The following ITGAV variants were observed in gnomAD, a reference collection of about 807,000 sequenced individuals.
ITGAV encodes the protein integrin subunit alpha V, also known as integrin alpha-V.
In ITGAV, 76 loss-of-function variants were observed where a neutral mutation model predicts 143.8. The observed-to-expected ratio is 0.53, with a 90% CI of 0.44 to 0.64. ITGAV has a LOEUF of 0.64. ITGAV is among the 30% of genes least tolerant of loss of function. The pLI, the probability that ITGAV is intolerant of heterozygous loss-of-function variation, is 0.00. For missense variants in ITGAV, 1,193 were observed against 1,274.7 expected, an observed-to-expected ratio of 0.94 and a Z score of 0.98; for synonymous variants, 453 against 446.7, an observed-to-expected ratio of 1.01 and a Z score of -0.18.
intron 1 of ITGAV, among the ~76,000 whole-genome samples, chr2:186,599,356 C>T (rs1686834031): frequency 6.6e-6 from 1 of 152,182 alleles, no homozygotes; most frequent in East Asian, 1.9e-4. Flanking sequence ...CTTCCCCTGG[C>T]TGAATAACCC....
At chr2:186,597,475 C>T (rs1398823204) in intron 1 of ITGAV, among the ~76,000 whole-genome samples, 1 of 152,208 alleles carries the variant, frequency 6.6e-6, no homozygotes, top group Non-Finnish European at 1.5e-5. Context: ...TACTTTGTTA[C>T]TCCACTGTCC....
intron 26 of ITGAV, among the ~76,000 whole-genome samples, chr2:186,674,444 A>T (rs1465388008): frequency 1.3e-5 from 2 of 151,618 alleles, no homozygotes; most frequent in Non-Finnish European, 1.5e-5. Flanking sequence ...AGTGTTTTCT[A>T]TATGTAAGAT....
In ITGAV at chr2:186,638,269, T is replaced by C; in HGVS notation, c.803-8T>C. On this transcript the variant is annotated splice_polypyrimidine_tract_variant and splice_region_variant and intron_variant, in intron 8 of 29. Transcript: ENST00000261023. ...AAAATGAATAATTTGTTTGTTTGTT[T>C]GTTTCAGACTTTGTTTCAGGAGTTC... 6.2e-7 allele frequency: 1 copy of C among 1,613,626 alleles called. No individual in the cohort carries two copies. The highest frequency in any genetic ancestry group is 8.5e-7 in the Non-Finnish European group (1 of 1,179,598).
intron 15 of ITGAV, among the ~76,000 whole-genome samples, chr2:186,653,895 T>C (rs1688510663): frequency 6.6e-6 from 1 of 152,236 alleles, no homozygotes; most frequent in African/African-American, 2.4e-5. Flanking sequence ...TATTTATTTA[T>C]TAAAAAATTT....
rs1189272968 is a variant in ITGAV, at chr2:186,641,258, A to G, written c.957-128A>G. ...CAAATTTGAAATGAGTGCTCTGGTAATCATTTTGTGTTTCACTGTGGGTGT... is the reference window on the plus strand; with the variant it reads ...CAAATTTGAAATGAGTGCTCTGGTAGTCATTTTGTGTTTCACTGTGGGTGT... On this transcript the variant is annotated intron_variant, in intron 11 of 29. Transcript: ENST00000261023. The G allele has an allele frequency of 1.6e-5, 11 of 691,658 alleles. No homozygotes were observed. In the Admixed American group the frequency reaches 2.8e-4, roughly 18 times the overall value. 42.8% of individuals were successfully genotyped at this position (691,658 alleles called of 1,614,324 possible). A position where few individuals can be genotyped will look rare whatever the true frequency, so the allele number is the denominator to read the frequency against.
rs180923700 is a variant in ITGAV at position 186,611,664 on chromosome 2, A to C, written c.316+9513A>C. 1.7e-4 allele frequency among the ~76,000 whole-genome samples: 26 copies of C among 152,304 alleles called. 1 individual carries two copies. Among genetic ancestry groups the C allele is most frequent in the Admixed American group, 1.4e-3 (22 of 15,296 alleles). ...TTAGAAGATGCAGGCTCAGATTCAGACTCTGATACTTATTAACTGTGACGT... is the reference window on the plus strand; with the variant it reads ...TTAGAAGATGCAGGCTCAGATTCAGCCTCTGATACTTATTAACTGTGACGT... On this transcript the variant is annotated intron_variant, in intron 2 of 29. Transcript: ENST00000261023.
Position 186,665,162 on chromosome 2 carries a change from A to T in ITGAV, c.2110A>T (p.Asn704Tyr). 1 of 1,612,806 alleles carries T rather than the reference A, an allele frequency of 6.2e-7. No individual in the cohort carries two copies. Among genetic ancestry groups the T allele is most frequent in the Non-Finnish European group, 8.5e-7 (1 of 1,179,694 alleles). ...ARLSCAFKTENQTRQVVCDLG... is the reference protein window; with the variant it reads ...ARLSCAFKTEYQTRQVVCDLG... ...ACTTTCCTGTGCATTTAAGACAGAA[A>T]ACCAAACTCGCCAGGTGGTATGTGA... Residue 704 changes from asparagine to tyrosine, a missense_variant, in exon 21 of 30, where the codon AAC becomes TAC. Coordinates refer to ENST00000261023, the MANE Select transcript of ITGAV (RefSeq NM_002210.5).
intron 15 of ITGAV, among the ~76,000 whole-genome samples, 190 bp downstream of exon 15, chr2:186,652,279 A>G (rs992443949): frequency 2.0e-5 from 3 of 152,156 alleles, no homozygotes; most frequent in African/African-American, 7.2e-5. Context: ...CAGTGGCACA[A>G]CCATGGCTTA....
At chr2:186,658,942 G>T in intron 17 of ITGAV, 96 bp from the exon 18 acceptor site, 1 of 769,404 alleles carries the variant, frequency 1.3e-6, no homozygotes. Context: ...TGAAGGCTCA[G>T]GGATGAATAC....
rs568356326 is a variant in ITGAV at position 186,653,620 on chromosome 2, T to C, written c.1506-1030T>C. Among the ~76,000 whole-genome samples the C allele has an allele frequency of 3.3e-5, 5 of 152,352 alleles. No homozygotes were observed. The South Asian group carries it at 8.3e-4, about 25-fold the overall frequency. On this transcript the variant is annotated intron_variant, in intron 15 of 29. Coordinates refer to ENST00000261023, the MANE Select transcript of ITGAV (RefSeq NM_002210.5). Reference sequence around the variant, plus strand: ...ATTCAGTAATATTTGGTCTTCATTTTTATTGAACTGGCAATGAAGTTGTTT... The same window carrying C: ...ATTCAGTAATATTTGGTCTTCATTTCTATTGAACTGGCAATGAAGTTGTTT...
chr2:186,668,818 T>C lies in ITGAV; in HGVS notation c.2490T>C (p.Pro830=). The C allele has an allele frequency of 6.2e-7, 1 of 1,613,710 alleles. No individual in the cohort carries two copies. The highest frequency in any genetic ancestry group is 8.5e-7 in the Non-Finnish European group (1 of 1,179,732). The change falls in exon 25 of 30, where the codon CCT becomes CCC. Residue 830 remains proline (P), a synonymous_variant. Coordinates refer to ENST00000261023, the MANE Select transcript of ITGAV (RefSeq NM_002210.5). The part of the protein sequence containing the change: ...FSKAMLHLQW[P]YKYNNNTLLY... ...AGGCAATGCTCCATCTTCAGTGGCC[T>C]TACAAATATAATAATAACACTCTGT... is the stretch of plus-strand genomic sequence containing the variant.
At chr2:186,650,598 T>C (rs1223022016) in intron 14 of ITGAV, among the ~76,000 whole-genome samples, 6 of 151,528 alleles carry the variant, frequency 4.0e-5, no homozygotes, top group Non-Finnish European at 5.9e-5. Flanking sequence ...CAATCTGGAG[T>C]ACAGTGGTGC....
At chr2:186,612,719 C>A (rs1381091093) in intron 2 of ITGAV, among the ~76,000 whole-genome samples, 8 of 152,050 alleles carry the variant, frequency 5.3e-5, no homozygotes, top group African/African-American at 1.9e-4. Flanking sequence ...TCAGGCAGAC[C>A]CTAAACTAAC....
At chr2:186,638,631 C>CGTGTGT (rs34535817) in intron 10 of ITGAV, among the ~76,000 whole-genome samples, 166 bp downstream of exon 10, 20,602 of 144,572 alleles carry the variant, frequency 0.14, 1,596 homozygotes, top group South Asian at 0.19. Context: ...CTCTTTTGAG[C>CGTGTGT]GTGTGTGTGT....
rs189638846 is a variant in ITGAV at position 186,660,736 on chromosome 2, G to C, written c.1857+1561G>C. Among the ~76,000 whole-genome samples, 5 of 152,216 alleles carry C rather than the reference G, an allele frequency of 3.3e-5. No individual in the cohort carries two copies. The East Asian group carries it at 9.6e-4, about 29-fold the overall frequency. ...AGTTTTCTAGGGCTGTCATAACAAA[G>C]TACCACAGAATGGGTGGCTTAAACA... On this transcript the variant is annotated intron_variant, in intron 18 of 29. Coordinates refer to ENST00000261023, the MANE Select transcript of ITGAV (RefSeq NM_002210.5).
chr2:186,651,908 G>A (rs1688441794), intron 14 of ITGAV, 74 bp from the exon 15 acceptor site: 1 of 846,844 alleles, frequency 1.2e-6, no homozygotes, highest in Non-Finnish European at 1.9e-6. Flanking sequence ...TAGTGAATAT[G>A]AACCAAAAAT....
intron 2 of ITGAV, among the ~76,000 whole-genome samples, chr2:186,616,354 C>CT (rs1187440143): frequency 7.0e-6 from 1 of 141,988 alleles, no homozygotes; most frequent in Non-Finnish European, 1.5e-5. Context: ...TCTCGGCTCA[C>CT]TGCAAGCTCC....
Position 186,660,326 on chromosome 2 carries a change from T to C in ITGAV, c.1857+1151T>C, listed in dbSNP as rs563275231. On this transcript the variant is annotated intron_variant, in intron 18 of 29. Transcript: ENST00000261023. ...AAGAATAACTGCAGTAATATTTGAC[T>C]TCCTTTTTTTCCCACCTATTCTCAT... Among the ~76,000 whole-genome samples the C allele has an allele frequency of 2.0e-4, 31 of 152,320 alleles. No homozygotes were observed. In the South Asian group the frequency reaches 6.4e-3, roughly 32 times the overall value.
intron 26 of ITGAV, 69 bp from the exon 27 acceptor site, chr2:186,675,535 G>A: frequency 2.5e-6 from 3 of 1,189,332 alleles, no homozygotes; most frequent in Non-Finnish European, 3.7e-6. Flanking sequence ...AAAAAAAATG[G>A]CAAATTTTCA....
Sources: gnomAD v4.1 joint callset for allele counts (sites outside exome capture counted in the v4.1 genomes callset) on GRCh38, gnomAD v4.1.1 for gene constraint, MANE v1.5 for transcripts, NCBI Gene and HGNC (gene_info 2026-07-23, HGNC 2026-07-21) for gene names.